Variants in ELAVL1 observed in about 807,000 individuals in gnomAD.
ELAVL1 encodes ELAV-like protein 1.
In ELAVL1, 1 loss-of-function variant was observed where a neutral mutation model predicts 28.4. The ratio of observed to expected loss-of-function variants is 0.04; its 90% CI spans 0.01 to 0.17. ELAVL1 has a LOEUF of 0.17. Among genes scored for constraint, ELAVL1 ranks in the 10% least tolerant of loss-of-function variants. The pLI is 1.00. For missense variants in ELAVL1, 157 were observed against 447.2 expected (o/e 0.35, Z 5.85); for synonymous variants, 174 against 183.5 (o/e 0.95, Z 0.42).
At chr19:7,977,352 A>G (rs1416127461) in intron 3 of ELAVL1, among the ~76,000 whole-genome samples, 1 of 152,182 alleles carries the variant, frequency 6.6e-6, no homozygotes, top group African/African-American at 2.4e-5. Context: ...ACCTTGGCAG[A>G]GCTGTTTCAC....
At chr19:7,989,369 CCA>C (rs1228481971) in intron 2 of ELAVL1, among the ~76,000 whole-genome samples, 1 of 152,196 alleles carries the variant, frequency 6.6e-6, no homozygotes. Context: ...TAACTACTGT[CCA>C]AAGATAAGAC....
At chr19:8,004,765 T>C (rs1342264419) in intron 1 of ELAVL1, among the ~76,000 whole-genome samples, 2 of 152,130 alleles carry the variant, frequency 1.3e-5, no homozygotes, top group Non-Finnish European at 2.9e-5. Context: ...CTTCTCCACC[T>C]GCCCTGCACA....
At position 7,966,363 on chromosome 19, in the gene ELAVL1, A is replaced by G. The variant is rs568511335; in HGVS notation, c.656+1202T>C. ...CCCTGACTCTCATCGCCTCTATCCCACTTCATCCTGGCAGCCAGAACCATT... is the reference window on the plus strand; with the variant it reads ...CCCTGACTCTCATCGCCTCTATCCCGCTTCATCCTGGCAGCCAGAACCATT... On this transcript the variant is annotated intron_variant, in intron 5 of 5. Transcript: ENST00000407627. 5.9e-5 allele frequency among the ~76,000 whole-genome samples: 9 copies of G among 152,112 alleles called. No individual in the cohort carries two copies. In the South Asian group the frequency reaches 1.9e-3, roughly 32 times the overall value.
chr19:7,982,811 C>T lies in ELAVL1; in HGVS notation c.173-1625G>A, dbSNP rs947354000. Among the ~76,000 whole-genome samples the T allele has an allele frequency of 6.6e-6, 1 of 152,212 alleles. No individual in the cohort carries two copies. Among genetic ancestry groups the T allele is most frequent in the East Asian group, 1.9e-4 (1 of 5,190 alleles). ...TCGACTATGACAGTTTCTTGTTTCT[C>T]GTGACTGTGACGGTTTTGAGGACTG... On this transcript the variant is annotated intron_variant, in intron 2 of 5. Transcript: ENST00000407627. The surrounding 1 kb of genome is among the most constrained non-coding windows in gnomAD (Gnocchi z 4.3).
intron 4 of ELAVL1, among the ~76,000 whole-genome samples, chr19:7,971,107 CA>C (rs1337226733): frequency 6.6e-6 from 1 of 152,202 alleles, no homozygotes; most frequent in Non-Finnish European, 1.5e-5. Flanking sequence ...TTGAGGTTCA[CA>C]GCCGACCCTG....
rs1233005265 is a variant in ELAVL1, at chr19:7,963,723, G to A, written c.741C>T (p.Phe247=). The change falls in exon 6 of 6, where the codon TTC becomes TTT. Residue 247 remains phenylalanine (F), a synonymous_variant. Transcript: ENST00000407627. The surrounding 1 kb of genome is among the most constrained non-coding windows in gnomAD (Gnocchi z 4.5). ...PGNASSGWCI[F]IYNLGQDADE... ...CGGCATCCTGCCCCAGGTTGTAGAT[G>A]AAAATGCACCAGCCGGAGGAGGCGT... is the stretch of plus-strand genomic sequence containing the variant. The A allele has an allele frequency of 2.5e-6, 4 of 1,614,168 alleles. No individual in the cohort carries two copies. The highest frequency in any genetic ancestry group is 3.4e-6 in the Non-Finnish European group (4 of 1,180,062).
chr19:7,981,266 G>T lies in ELAVL1; in HGVS notation c.173-80C>A. 1 of 1,385,530 alleles carries T rather than the reference G, an allele frequency of 7.2e-7. No individual in the cohort carries two copies. Among genetic ancestry groups the T allele is most frequent in the Non-Finnish European group, 1.0e-6 (1 of 974,520 alleles). 85.8% of individuals were successfully genotyped at this position (1,385,530 alleles called of 1,614,324 possible). ...AGGGAGGTCGGGAAGCACTATATCT[G>T]CCTGGCCTTTGGGAAATGGGATTAC... On this transcript the variant is annotated intron_variant, in intron 2 of 5. Transcript: ENST00000407627. The surrounding 1 kb of genome is among the most constrained non-coding windows in gnomAD (Gnocchi z 4.2).
At chr19:7,973,991 G>A (rs1202258660) in intron 3 of ELAVL1, 113 bp from the exon 4 acceptor site, 1 of 1,360,570 alleles carries the variant, frequency 7.3e-7, no homozygotes, top group Non-Finnish European at 1.0e-6. Flanking sequence ...AAATCATGCA[G>A]GGAACGATTA....
At chr19:7,973,055 C>G (rs1386383010) in intron 4 of ELAVL1, 1 of 151,600 alleles carries the variant, frequency 6.6e-6, no homozygotes, top group Admixed American at 6.6e-5. Flanking sequence ...TCAGGTGATC[C>G]GTCCACCTCG....
chr19:7,982,765 T>C lies in ELAVL1; in HGVS notation c.173-1579A>G, dbSNP rs1404107807. On this transcript the variant is annotated intron_variant, in intron 2 of 5. Coordinates refer to ENST00000407627, the MANE Select transcript of ELAVL1 (RefSeq NM_001419.3). The surrounding 1 kb of genome is among the most constrained non-coding windows in gnomAD (Gnocchi z 4.3). The stretch of plus-strand genomic sequence containing the variant: ...CAGGATCCCACGTGACATTTAGCAG[T>C]CACATCCCCTCAGGCTCCTCTCGAC... 6.6e-6 allele frequency among the ~76,000 whole-genome samples: 1 copy of C among 152,178 alleles called. No individual in the cohort carries two copies.
chr19:7,974,842 C>A (rs10407901), intron 3 of ELAVL1, among the ~76,000 whole-genome samples: 5 of 152,180 alleles, frequency 3.3e-5, no homozygotes, highest in Admixed American at 2.0e-4. Flanking sequence ...GCAGAATCTG[C>A]GTGCTGAGAA....
rs919203341 is a variant in ELAVL1, at chr19:7,962,550, G to A, written c.*933C>T. ...AATAGAAAAAGGTCTAAGCGCTCACGAGAAGGGATGCGAGAAATACAATGC... is the reference window on the plus strand; with the variant it reads ...AATAGAAAAAGGTCTAAGCGCTCACAAGAAGGGATGCGAGAAATACAATGC... On this transcript the variant is annotated 3_prime_UTR_variant, in exon 6 of 6. Transcript: ENST00000407627. 6 of 152,736 alleles carry A rather than the reference G, an allele frequency of 3.9e-5. No homozygotes were observed. Among genetic ancestry groups the A allele is most frequent in the South Asian group, 4.1e-4 (2 of 4,826 alleles). The allele number at this position is 152,736 out of a possible 1,614,324, so 9.5% of individuals were successfully genotyped here.
intron 4 of ELAVL1, 57 bp from the exon 5 acceptor site, chr19:7,967,847 A>C: frequency 6.4e-7 from 1 of 1,573,252 alleles, no homozygotes; most frequent in Non-Finnish European, 8.7e-7. Context: ...GACTTTCAAA[A>C]CTGAAAAGCA....
chr19:7,991,847 G>A lies in ELAVL1; in HGVS notation c.-16-16C>T. The A allele has an allele frequency of 1.3e-6, 2 of 1,568,610 alleles. No individual in the cohort carries two copies. The highest frequency in any genetic ancestry group is 2.7e-5 in the African/African-American group (2 of 73,450). ...TTTCAAAAATCTGCCAAGAGAAAAA[G>A]AGCAAGTAAATTCAAAATGTTCATA... On this transcript the variant is annotated splice_polypyrimidine_tract_variant and intron_variant, in intron 1 of 5. Transcript: ENST00000407627.
chr19:7,971,606 T>C (rs1985113034), intron 4 of ELAVL1, among the ~76,000 whole-genome samples: 1 of 152,220 alleles, frequency 6.6e-6, no homozygotes, highest in East Asian at 1.9e-4. Flanking sequence ...ACCGAGTAAC[T>C]GGCATCCCCC....
rs1984862788 is a variant in ELAVL1, at chr19:7,963,290, G to A, written c.*193C>T. ...AAATAACTTACGAAACTTAAGATTGGTCTAACATTGTGGGATTTCAAACAT... is the reference window on the plus strand; with the variant it reads ...AAATAACTTACGAAACTTAAGATTGATCTAACATTGTGGGATTTCAAACAT... On this transcript the variant is annotated 3_prime_UTR_variant, in exon 6 of 6. Transcript: ENST00000407627. This position sits in a 1 kb window ranked among gnomAD's most constrained non-coding sequence, Gnocchi z 4.5. 1.6e-6 allele frequency: 1 copy of A among 639,928 alleles called. No homozygotes were observed. Among genetic ancestry groups the A allele is most frequent in the Admixed American group, 3.1e-5 (1 of 31,968 alleles). 39.6% of individuals were successfully genotyped at this position (639,928 alleles called of 1,614,324 possible).
intron 5 of ELAVL1, among the ~76,000 whole-genome samples, chr19:7,966,940 G>A (rs1440014224): frequency 1.3e-5 from 2 of 152,026 alleles, no homozygotes; most frequent in Admixed American, 6.5e-5. Flanking sequence ...TTTAAAGCTC[G>A]CGGCTCCGTT....
chr19:7,994,309 G>A (rs140910401), intron 1 of ELAVL1, among the ~76,000 whole-genome samples: 1 of 152,272 alleles, frequency 6.6e-6, no homozygotes, highest in East Asian at 1.9e-4. Context: ...GGGGGAGGGG[G>A]TGCTACTGAC....
Position 7,963,472 on chromosome 19 carries a change from G to C in ELAVL1, c.*11C>G. The stretch of plus-strand genomic sequence containing the variant: ...AATTATCTATTCCGTACAAAAAAAA[G>C]CATGAGCGAGTTATTTGTGGGACTT... On this transcript the variant is annotated 3_prime_UTR_variant, in exon 6 of 6. Coordinates refer to ENST00000407627, the MANE Select transcript of ELAVL1 (RefSeq NM_001419.3). This position sits in a 1 kb window ranked among gnomAD's most constrained non-coding sequence, Gnocchi z 4.5. 6.3e-7 allele frequency: 1 copy of C among 1,598,482 alleles called. No homozygotes were observed. Among genetic ancestry groups the C allele is most frequent in the Non-Finnish European group, 8.6e-7 (1 of 1,169,094 alleles).
Sources: gnomAD v4.1 joint callset for allele counts (sites outside exome capture counted in the v4.1 genomes callset) on GRCh38, gnomAD v4.1.1 for gene constraint, Gnocchi (gnomAD v3.1) non-coding constraint, MANE v1.5 for transcripts, NCBI Gene and HGNC (gene_info 2026-07-23, HGNC 2026-07-21) for gene names.